The following SWT1 variants were observed in gnomAD, a reference collection of about 807,000 sequenced individuals.
The protein encoded by SWT1 is transcriptional protein SWT1.
In SWT1, 33 loss-of-function variants were observed where a neutral mutation model predicts 107.3. The ratio of observed to expected loss-of-function variants is 0.31; its 90% CI spans 0.23 to 0.41. SWT1 has a LOEUF of 0.41. SWT1 is among the 10% of genes least tolerant of loss of function. The pLI is 1.00. For missense variants in SWT1, 898 were observed against 1,028.9 expected (o/e 0.87, Z 1.74); for synonymous variants, 345 against 348.3 (o/e 0.99, Z 0.11).
At position 185,174,992 on chromosome 1, in the gene SWT1, A is replaced by G. The variant is rs750770180; in HGVS notation, c.845A>G (p.Gln282Arg). 2.7e-5 allele frequency: 44 copies of G among 1,613,872 alleles called. No homozygotes were observed. Among genetic ancestry groups the G allele is most frequent in the Non-Finnish European group, 3.7e-5 (44 of 1,179,988 alleles). ...SSQVSLNVTR[Q>R]KTEHLLSDFT... is the part of the protein sequence containing the mutation. ...CAGGTTTCATTAAATGTGACTAGGC[A>G]GAAAACTGAACATTTACTTTCAGAT... Residue 282 changes from glutamine to arginine, a missense_variant, in exon 5 of 19, where the codon CAG becomes CGG. Physicochemically the swap from Gln to Arg is conservative, Grantham distance 43. Around this residue, in one of 6 missense-constraint regions of SWT1, gnomAD observed 382 missense variants for 362.4 expected, o/e 1.05. Transcript: ENST00000367500.
chr1:185,256,461 C>T lies in SWT1; in HGVS notation c.2442-14862C>T, dbSNP rs370438356. Among the ~76,000 whole-genome samples the T allele has an allele frequency of 7.6e-4, 115 of 151,590 alleles. 1 individual carries two copies. Among genetic ancestry groups the T allele is most frequent in the African/African-American group, 2.7e-3 (111 of 41,126 alleles). ...GTCTTTTCACATAGTCCCATATTTC[C>T]TGGAGGCTTTGCTCATTTCTTTTTA... On this transcript the variant is annotated intron_variant, in intron 16 of 18. Coordinates refer to ENST00000367500, the MANE Select transcript of SWT1 (RefSeq NM_017673.7).
chr1:185,226,751 T>C, intron 15 of SWT1: 1 of 512,304 alleles, frequency 2.0e-6, no homozygotes, highest in Non-Finnish European at 3.1e-6. Flanking sequence ...TTTTTTTTGC[T>C]GTCCATAAGT....
intron 5 of SWT1, among the ~76,000 whole-genome samples, chr1:185,178,528 A>G (rs1256270052): frequency 3.9e-5 from 6 of 152,138 alleles, no homozygotes; most frequent in African/African-American, 7.2e-5. Flanking sequence ...CTTTATCCCA[A>G]CCTATGTATT....
At chr1:185,242,378 A>G (rs1020535693) in intron 16 of SWT1, among the ~76,000 whole-genome samples, 6 of 152,296 alleles carry the variant, frequency 3.9e-5, no homozygotes, top group Admixed American at 3.3e-4. Flanking sequence ...ATACATCACT[A>G]TGACTTAATT....
intron 15 of SWT1, among the ~76,000 whole-genome samples, chr1:185,224,306 T>C (rs1374608653): frequency 6.6e-6 from 1 of 152,188 alleles, no homozygotes; most frequent in Non-Finnish European, 1.5e-5. Context: ...GTCTGTCTTA[T>C]GCCAGCCAGT....
rs777623270 is a variant in SWT1 at position 185,168,415 on chromosome 1, T to C, written c.224+17T>C. 2.3e-5 allele frequency: 31 copies of C among 1,369,252 alleles called. No individual in the cohort carries two copies. The highest frequency in any genetic ancestry group is 2.9e-5 in the Non-Finnish European group (30 of 1,022,822). 84.8% of individuals were successfully genotyped at this position (1,369,252 alleles called of 1,614,324 possible). ...ACTGAAAAGGTAAATTTCTCCTTTT[T>C]CTTTTTACTGTTTTGGTTTAGAATT... On this transcript the variant is annotated intron_variant, in intron 4 of 18. Transcript: ENST00000367500.
intron 16 of SWT1, among the ~76,000 whole-genome samples, chr1:185,253,358 G>A (rs1348915558): frequency 1.3e-5 from 2 of 150,670 alleles, no homozygotes; most frequent in Admixed American, 1.3e-4. Flanking sequence ...CATTGAATCT[G>A]TAAATTACCT....
In SWT1 at chr1:185,269,084, C is replaced by T. The variant is rs543243988; in HGVS notation, c.2442-2239C>T. ...AGCCAGGATGGTCTCGATCTCCTGA[C>T]CTCGTGATTTGCCCGCCTCAGCCTC... On this transcript the variant is annotated intron_variant, in intron 16 of 18. Coordinates refer to ENST00000367500, the MANE Select transcript of SWT1 (RefSeq NM_017673.7). Among the ~76,000 whole-genome samples the T allele has an allele frequency of 1.4e-3, 216 of 152,128 alleles. 2 individuals are homozygous for T. In the Middle Eastern group the frequency reaches 0.017, roughly 12 times the overall value.
At chr1:185,221,444 T>A (rs961389221) in intron 14 of SWT1, among the ~76,000 whole-genome samples, 1 of 151,402 alleles carries the variant, frequency 6.6e-6, no homozygotes, top group African/African-American at 2.4e-5. Context: ...ATATCTTGAT[T>A]TTTTTTTTAA....
chr1:185,192,705 T>C (rs1396820868), intron 10 of SWT1, among the ~76,000 whole-genome samples: 1 of 151,296 alleles, frequency 6.6e-6, no homozygotes, highest in African/African-American at 2.4e-5. Context: ...TGGAGTGCAG[T>C]GGCGCCATCT....
intron 13 of SWT1, among the ~76,000 whole-genome samples, chr1:185,209,686 C>T (rs1368730059): frequency 3.9e-5 from 6 of 152,278 alleles, no homozygotes; most frequent in African/African-American, 1.4e-4. Context: ...AGTAAACATA[C>T]ATGTGCATAT....
chr1:185,161,676 G>A (rs1360192461), intron 2 of SWT1, among the ~76,000 whole-genome samples: 1 of 152,194 alleles, frequency 6.6e-6, no homozygotes, highest in Non-Finnish European at 1.5e-5. Context: ...ACTCCAGTCT[G>A]GCTGACAGAG....
At chr1:185,253,136 A>G (rs1212583141) in intron 16 of SWT1, among the ~76,000 whole-genome samples, 1 of 143,830 alleles carries the variant, frequency 7.0e-6, no homozygotes, top group Admixed American at 7.0e-5. Context: ...TGTTCCATTG[A>G]TCTATATCTC....
chr1:185,200,823 G>A (rs1438847485), intron 10 of SWT1, among the ~76,000 whole-genome samples: 2 of 152,174 alleles, frequency 1.3e-5, no homozygotes, highest in Non-Finnish European at 2.9e-5. Flanking sequence ...AGGCAGGAAC[G>A]TTTAAGTCTG....
At chr1:185,164,607 A>G (rs1654424493) in intron 2 of SWT1, among the ~76,000 whole-genome samples, 2 of 152,150 alleles carry the variant, frequency 1.3e-5, no homozygotes, top group African/African-American at 2.4e-5. Flanking sequence ...CTTTTATGTT[A>G]CAGAGATGGC....
At chr1:185,220,802 A>G (rs1482513411) in intron 14 of SWT1, among the ~76,000 whole-genome samples, 1 of 152,222 alleles carries the variant, frequency 6.6e-6, no homozygotes, top group African/African-American at 2.4e-5. Flanking sequence ...GTTTATTGCT[A>G]CTACACTATA....
chr1:185,224,640 C>A (rs958562258), intron 15 of SWT1, among the ~76,000 whole-genome samples: 2 of 152,056 alleles, frequency 1.3e-5, no homozygotes, highest in African/African-American at 4.8e-5. Context: ...ATTGTATCCC[C>A]TTCTATTTCT....
At chr1:185,233,966 G>T (rs917465292) in intron 16 of SWT1, among the ~76,000 whole-genome samples, 1 of 152,000 alleles carries the variant, frequency 6.6e-6, no homozygotes, top group Non-Finnish European at 1.5e-5. Context: ...GGATGGTCTC[G>T]ATCTCCTGAC....
At chr1:185,238,124 C>T (rs1336348109) in intron 16 of SWT1, among the ~76,000 whole-genome samples, 1 of 151,844 alleles carries the variant, frequency 6.6e-6, no homozygotes, top group Non-Finnish European at 1.5e-5. Context: ...GTAGCTGGGA[C>T]TACAGGTACA....
Sources: allele counts gnomAD v4.1 joint callset (sites outside exome capture counted in the v4.1 genomes callset), GRCh38; gene constraint gnomAD v4.1.1; regional missense constraint gnomAD v4.1.1; transcripts MANE v1.5; gene names NCBI Gene and HGNC (gene_info 2026-07-23, HGNC 2026-07-21).